Variants in LRRC4C observed in about 807,000 individuals in gnomAD.
LRRC4C encodes the protein leucine rich repeat containing 4C.
LRRC4C carries 5 observed loss-of-function variants against 33.6 expected under a neutral mutation model. That is an observed-to-expected ratio of 0.15 (90% confidence interval 0.08 to 0.31). The LOEUF (loss-of-function observed/expected upper bound fraction) is 0.31, where lower values mean the gene tolerates loss of function less well. LRRC4C is among the 10% of genes least tolerant of loss of function. LRRC4C has a pLI of 1.00. For synonymous variants in LRRC4C, 329 were observed against 302.0 expected, an observed-to-expected ratio of 1.09 and a Z score of -0.93; for missense variants, 560 against 796.7, an observed-to-expected ratio of 0.70 and a Z score of 3.58.
chr11:40,268,147 T>C (rs537161956), intron 4 of LRRC4C, among the ~76,000 whole-genome samples: 66 of 152,346 alleles, frequency 4.3e-4, no homozygotes, highest in African/African-American at 1.5e-3. Flanking sequence ...TTCAGAAGTG[T>C]GGTGGAGTTG....
Position 41,305,309 on chromosome 11 carries a change from G to A in LRRC4C, c.-496+154122C>T, listed in dbSNP as rs1306559248. On this transcript the variant is annotated intron_variant, in intron 1 of 6. Transcript: ENST00000528697. ...GGTCAGCCCCCCTGCCCGGCCAGCC[G>A]CCCCATCCGGGAGGTGAGGGGCGCC... 3.8e-5 allele frequency among the ~76,000 whole-genome samples: 2 copies of A among 52,098 alleles called. 1 individual carries two copies. Among genetic ancestry groups the A allele is most frequent in the African/African-American group, 8.6e-5 (2 of 23,306 alleles). 34.2% of individuals were successfully genotyped at this position (52,098 alleles called of 152,430 possible). A position where few individuals can be genotyped will look rare whatever the true frequency, so the allele number is the denominator to read the frequency against.
chr11:40,893,003 C>G (rs527503104), intron 2 of LRRC4C, among the ~76,000 whole-genome samples: 1 of 151,912 alleles, frequency 6.6e-6, no homozygotes, highest in Non-Finnish European at 1.5e-5. Flanking sequence ...GTATTTATCT[C>G]TATGTGTTTT....
intron 1 of LRRC4C, among the ~76,000 whole-genome samples, chr11:40,941,936 T>C (rs991592211): frequency 7.9e-5 from 12 of 152,168 alleles, no homozygotes; most frequent in Admixed American, 2.6e-4. Context: ...TTCAAGTCCA[T>C]CAAGAAGCAG....
At chr11:40,222,098 A>G (rs935915793) in intron 5 of LRRC4C, among the ~76,000 whole-genome samples, 1 of 152,042 alleles carries the variant, frequency 6.6e-6, no homozygotes, top group Non-Finnish European at 1.5e-5. Flanking sequence ...GTACCTACTT[A>G]CCATGTTTGA....
At chr11:40,211,247 A>G (rs1458075871) in intron 5 of LRRC4C, among the ~76,000 whole-genome samples, 3 of 152,214 alleles carry the variant, frequency 2.0e-5, no homozygotes, top group Non-Finnish European at 4.4e-5. Flanking sequence ...GCTTACTCCT[A>G]TTCCCTGTAC....
intron 3 of LRRC4C, among the ~76,000 whole-genome samples, chr11:40,527,720 G>T (rs1742439735): frequency 6.6e-6 from 1 of 151,984 alleles, no homozygotes; most frequent in South Asian, 2.1e-4. Flanking sequence ...TAATATAGAG[G>T]TCTACAGCAC....
intron 2 of LRRC4C, among the ~76,000 whole-genome samples, chr11:40,734,861 C>G (rs1400572290): frequency 6.6e-6 from 1 of 151,818 alleles, no homozygotes; most frequent in African/African-American, 2.4e-5. Context: ...AGGGTGTTTC[C>G]AGAAGAGATT....
At chr11:41,441,372 C>A (rs1955613218) in intron 1 of LRRC4C, among the ~76,000 whole-genome samples, 1 of 151,924 alleles carries the variant, frequency 6.6e-6, no homozygotes, top group African/African-American at 2.4e-5. Flanking sequence ...GAGATAGGAA[C>A]AATAGGGACT....
intron 2 of LRRC4C, among the ~76,000 whole-genome samples, chr11:40,741,148 C>T (rs887139323): frequency 4.0e-5 from 6 of 151,898 alleles, no homozygotes; most frequent in African/African-American, 1.5e-4. Context: ...CTAATAGGTT[C>T]TTCATACAAT....
intron 2 of LRRC4C, among the ~76,000 whole-genome samples, chr11:40,814,122 C>T (rs1951607216): frequency 6.6e-6 from 1 of 152,328 alleles, no homozygotes; most frequent in Non-Finnish European, 1.5e-5. Flanking sequence ...TCCAACCCCA[C>T]ATTTCCCTTC....
intron 1 of LRRC4C, among the ~76,000 whole-genome samples, chr11:41,021,210 AGAGAGTGTGT>A (rs1263240877): frequency 7.5e-6 from 1 of 133,504 alleles, no homozygotes; most frequent in African/African-American, 2.8e-5. Flanking sequence ...AGAGAGAGAG[AGAGAGTGTGT>A]GTGTGTGTGT....
intron 3 of LRRC4C, among the ~76,000 whole-genome samples, chr11:40,361,854 T>G (rs1947967411): frequency 6.6e-6 from 1 of 152,156 alleles, no homozygotes; most frequent in African/African-American, 2.4e-5. Flanking sequence ...GCTACCTGAC[T>G]TCAAACCATA....
At chr11:41,339,533 A>C (rs12362370) in intron 1 of LRRC4C, among the ~76,000 whole-genome samples, 4,595 of 152,278 alleles carry the variant, frequency 0.03, 94 homozygotes, top group Non-Finnish European at 0.046. Flanking sequence ...AGGAAAAAAA[A>C]CATCCCTCTC....
At chr11:40,969,819 C>T (rs1209611534) in intron 1 of LRRC4C, among the ~76,000 whole-genome samples, 1 of 152,092 alleles carries the variant, frequency 6.6e-6, no homozygotes, top group Non-Finnish European at 1.5e-5. Flanking sequence ...TTTGCAGTGA[C>T]CTGGAATTGA....
At chr11:41,138,684 G>A (rs1235415086) in intron 1 of LRRC4C, among the ~76,000 whole-genome samples, 1 of 152,120 alleles carries the variant, frequency 6.6e-6, no homozygotes, top group African/African-American at 2.4e-5. Context: ...CCAGATGTCA[G>A]CTTTTATGAT....
At position 40,116,061 on chromosome 11, in the gene LRRC4C, T is replaced by C. The variant is rs1426551603; in HGVS notation, c.232A>G (p.Thr78Ala). 6.2e-7 allele frequency: 1 copy of C among 1,613,974 alleles called. No homozygotes were observed. Among genetic ancestry groups the C allele is most frequent in the East Asian group, 2.2e-5 (1 of 44,876 alleles). ...REVPDGISTN[T>A]RLLNLHENQI... ...TTCTCATGGAGGTTCAGCAGCCGTG[T>C]GTTGGTGGAGATGCCATCCGGAACC... The change falls in exon 7 of 7, where the codon ACA becomes GCA. Residue 78 changes from threonine to alanine, a missense_variant. Physicochemically the swap from Thr to Ala is moderately conservative, Grantham distance 58. This residue lies in a region of LRRC4C where 455 missense variants were observed against 643.8 expected (regional missense o/e 0.71). Transcript: ENST00000528697.
intron 1 of LRRC4C, among the ~76,000 whole-genome samples, chr11:41,154,139 G>C (rs748611143): frequency 6.6e-6 from 1 of 152,128 alleles, no homozygotes; most frequent in Non-Finnish European, 1.5e-5. Context: ...CAAGTTTGTG[G>C]TAATTTTGCT....
At chr11:40,851,755 T>C (rs1231890111) in intron 2 of LRRC4C, among the ~76,000 whole-genome samples, 1 of 151,934 alleles carries the variant, frequency 6.6e-6, no homozygotes, top group East Asian at 1.9e-4. Flanking sequence ...GGCAACAGAG[T>C]GAGACTCCGT....
Position 41,090,857 on chromosome 11 carries a change from C to T in LRRC4C, c.-495-157134G>A, listed in dbSNP as rs949447511. On this transcript the variant is annotated intron_variant, in intron 1 of 6. Transcript: ENST00000528697. ...TCTTTGTTTTCCCTTTGCCTTCCAT[C>T]ATGATTGTAAGTTTCCTGAGGCCTC... Among the ~76,000 whole-genome samples the T allele has an allele frequency of 3.1e-4, 47 of 152,138 alleles. 2 individuals are homozygous for T. Among genetic ancestry groups the T allele is most frequent in the Admixed American group, 2.4e-3 (36 of 15,246 alleles).
Sources: gnomAD v4.1 joint callset for allele counts (sites outside exome capture counted in the v4.1 genomes callset) on GRCh38, gnomAD v4.1.1 for gene constraint, gnomAD v4.1.1 regional missense constraint, MANE v1.5 for transcripts, NCBI Gene and HGNC (gene_info 2026-07-23, HGNC 2026-07-21) for gene names.